The following NXNL2 variants were observed in gnomAD, a reference collection of about 807,000 sequenced individuals.
NXNL2 encodes the protein nucleoredoxin like 2, also known as nucleoredoxin-like protein 2.
Under a neutral mutation model 11.1 loss-of-function variants are expected in NXNL2, and 7 were observed. That is an observed-to-expected ratio of 0.63 (90% CI 0.36 to 1.18). The LOEUF (loss-of-function observed/expected upper bound fraction) is 1.18. Among genes scored for constraint, NXNL2 ranks in the 50% most tolerant of loss-of-function variants. The probability of loss-of-function intolerance (pLI) is 0.02; values close to 1 mark genes in which losing one functional copy is unlikely to be tolerated. For missense variants in NXNL2, 233 were observed against 217.7 expected (o/e 1.07, Z -0.44); for synonymous variants, 109 against 101.8 (o/e 1.07, Z -0.42).
At chr9:88,582,603 C>CCTTCCTTT (rs1193408749) in intron 1 of NXNL2, among the ~76,000 whole-genome samples, 12 of 151,922 alleles carry the variant, frequency 7.9e-5, no homozygotes, top group Non-Finnish European at 1.5e-4. Context: ...TTCCTTCCTT[C>CCTTCCTTT]CTTCCTTTCT....
At chr9:88,575,197 C>T in exon 3 of NXNL2, 2 of 981,648 alleles carry the variant, frequency 2.0e-6, no homozygotes, top group Non-Finnish European at 2.4e-6. Flanking sequence ...CGAGTCTGTG[C>T]TCATTAACAA....
rs1554706772 is a variant in NXNL2, at chr9:88,566,907, C to CTTCT, written c.303-4180_303-4179insTTCT. On this transcript the variant is annotated intron_variant, in intron 1 of 2. Transcript: ENST00000375855. ...TCTATCTAGCCTATTATCTATCTATCATCTATCTATCTATCTATCTAATCT... is the reference window on the plus strand; with the variant it reads ...TCTATCTAGCCTATTATCTATCTATCTTCTATCTATCTATCTATCTATCTAATCT... Among the ~76,000 whole-genome samples, 748 of 151,954 alleles carry CTTCT rather than the reference C, an allele frequency of 4.9e-3. 9 individuals are homozygous for CTTCT. The highest frequency in any genetic ancestry group is 0.017 in the African/African-American group (692 of 41,382).
intron 1 of NXNL2, among the ~76,000 whole-genome samples, chr9:88,558,601 T>A (rs914268985): frequency 6.6e-6 from 1 of 152,054 alleles, no homozygotes; most frequent in Non-Finnish European, 1.5e-5. Context: ...TTGGTTGGTG[T>A]CTGAAGTAGA....
chr9:88,567,665 G>C lies in NXNL2; in HGVS notation c.303-3422G>C, dbSNP rs371552905. On this transcript the variant is annotated intron_variant, in intron 1 of 2. Coordinates refer to the NXNL2 transcript ENST00000375855. ...TGTTTTTCTAAACAGTGTGCCAGTT[G>C]TCCCATTCTGACTTAGGGAATAATC... 5.6e-4 allele frequency among the ~76,000 whole-genome samples: 85 copies of C among 152,260 alleles called. 1 individual carries two copies. The South Asian group carries it at 0.017, about 30-fold the overall frequency.
chr9:88,552,711 C>T (rs1278519277), intron 1 of NXNL2, among the ~76,000 whole-genome samples: 1 of 152,100 alleles, frequency 6.6e-6, no homozygotes, highest in Non-Finnish European at 1.5e-5. Context: ...CCTCGTGATC[C>T]GCCCACCTCA....
In NXNL2 at chr9:88,535,606, G is replaced by C; in HGVS notation, c.172G>C (p.Glu58Gln). Residue 58 changes from glutamate to glutamine, a missense_variant, in exon 1 of 2, where the codon GAG becomes CAG. Glu to Gln is a conservative substitution (Grantham distance 29). Transcript: ENST00000375854. ...LCDFYTALVA[E>Q]ARRPAPFEVV... is the part of the protein sequence containing the mutation. The stretch of plus-strand genomic sequence containing the variant: ...CGACTTCTATACGGCGCTGGTGGCC[G>C]AGGCGCGGCGGCCCGCGCCCTTCGA... 1 of 1,609,108 alleles carries C rather than the reference G, an allele frequency of 6.2e-7. No homozygotes were observed. Among genetic ancestry groups the C allele is most frequent in the Non-Finnish European group, 8.5e-7 (1 of 1,179,306 alleles).
intron 1 of NXNL2, among the ~76,000 whole-genome samples, chr9:88,558,468 A>T (rs1830046473): frequency 6.6e-6 from 1 of 152,160 alleles, no homozygotes; most frequent in Non-Finnish European, 1.5e-5. Flanking sequence ...GGATAGATGT[A>T]AGTGAAGTGT....
At chr9:88,535,834 C>CA in intron 1 of NXNL2, 98 bp downstream of exon 1, 3 of 912,100 alleles carry the variant, frequency 3.3e-6, no homozygotes, top group East Asian at 2.8e-5. Context: ...TTATGACGCC[C>CA]CCCCCCAACA....
intron 2 of NXNL2, among the ~76,000 whole-genome samples, chr9:88,573,916 C>A (rs1002015052): frequency 3.3e-5 from 5 of 152,134 alleles, no homozygotes; most frequent in African/African-American, 1.2e-4. Flanking sequence ...TCAAAGGCAC[C>A]GTGAGATACC....
chr9:88,567,569 A>G (rs1830194556), intron 1 of NXNL2, among the ~76,000 whole-genome samples: 1 of 152,220 alleles, frequency 6.6e-6, no homozygotes, highest in Non-Finnish European at 1.5e-5. Context: ...ATATATGCCA[A>G]CCAGGACTTT....
At chr9:88,579,927 G>C (rs1027774084), downstream of NXNL2, among the ~76,000 whole-genome samples, 17 of 152,030 alleles carry the variant, frequency 1.1e-4, no homozygotes, top group East Asian at 3.3e-3. Context: ...TCAGGAGATC[G>C]AGACCCTCCT....
intron 1 of NXNL2, among the ~76,000 whole-genome samples, chr9:88,540,760 C>T (rs1829739214): frequency 8.9e-6 from 1 of 112,278 alleles, no homozygotes; most frequent in Non-Finnish European, 1.8e-5. Flanking sequence ...TCCATTGGTT[C>T]TTTGGGGAAT....
intron 2 of NXNL2, among the ~76,000 whole-genome samples, chr9:88,572,652 A>G (rs1830289001): frequency 6.6e-6 from 1 of 152,172 alleles, no homozygotes; most frequent in Non-Finnish European, 1.5e-5. Flanking sequence ...TGGGAGGTGA[A>G]GGGGGATCAT....
chr9:88,562,393 A>G (rs185129537), intron 1 of NXNL2, among the ~76,000 whole-genome samples: 1 of 152,282 alleles, frequency 6.6e-6, no homozygotes, highest in African/African-American at 2.4e-5. Context: ...CACTTCGTGA[A>G]AATCCATCAG....
chr9:88,568,957 C>T (rs74890542), intron 1 of NXNL2, among the ~76,000 whole-genome samples: 8,891 of 151,966 alleles, frequency 0.059, 442 homozygotes, highest in African/African-American at 0.12. Context: ...TGGACAACGC[C>T]TCACTCTCAC....
At chr9:88,537,902 G>A (rs1166709556) in intron 1 of NXNL2, among the ~76,000 whole-genome samples, 2 of 152,150 alleles carry the variant, frequency 1.3e-5, no homozygotes, top group East Asian at 3.9e-4. Context: ...GAGTTGCCAT[G>A]GCAACCCAGA....
At chr9:88,555,623 G>A (rs12351535) in intron 1 of NXNL2, among the ~76,000 whole-genome samples, 3,381 of 152,178 alleles carry the variant, frequency 0.022, 120 homozygotes, top group African/African-American at 0.072. Context: ...TCTTCAGTGT[G>A]GAATGTAAAT....
chr9:88,578,008 C>T (rs564032503), downstream of NXNL2, among the ~76,000 whole-genome samples: 4 of 152,340 alleles, frequency 2.6e-5, no homozygotes, highest in African/African-American at 7.2e-5. Context: ...AGTGTCTTCA[C>T]GGTTGAAGTG....
At chr9:88,552,205 G>A (rs75950980) in intron 1 of NXNL2, among the ~76,000 whole-genome samples, 1,624 of 152,024 alleles carry the variant, frequency 0.011, 7 homozygotes, top group Non-Finnish European at 0.015. Context: ...CTCCCCTTCC[G>A]CTTTTACAGC....
Sources: gnomAD v4.1 joint callset for allele counts (sites outside exome capture counted in the v4.1 genomes callset) on GRCh38, gnomAD v4.1.1 for gene constraint, MANE v1.5 for transcripts, NCBI Gene and HGNC (gene_info 2026-07-23, HGNC 2026-07-21) for gene names.